Variants in LGMN observed in about 807,000 individuals in gnomAD.
LGMN encodes the protein legumain.
LGMN carries 36 observed loss-of-function variants against 56.8 expected under a neutral mutation model. That is an observed-to-expected ratio of 0.63 (90% CI 0.49 to 0.84). The LOEUF is 0.84. LGMN is among the 40% of genes least tolerant of loss of function. LGMN has a pLI of 0.00. For missense variants in LGMN, 446 were observed against 556.1 expected (o/e 0.80, Z 1.99); for synonymous variants, 199 against 210.1 (o/e 0.95, Z 0.46).
intron 2 of LGMN, among the ~76,000 whole-genome samples, chr14:92,723,233 G>T (rs1215768970): frequency 6.6e-6 from 1 of 152,030 alleles, no homozygotes; most frequent in East Asian, 1.9e-4. Context: ...TTTTAGTAGA[G>T]ATGGGGTTTC....
chr14:92,714,282 G>T lies in LGMN; in HGVS notation c.480+94C>A. The T allele has an allele frequency of 2.3e-6, 2 of 860,248 alleles. No homozygotes were observed. The highest frequency in any genetic ancestry group is 2.1e-5 in the Admixed American group (1 of 46,574). The allele number at this position is 860,248 out of a possible 1,614,324, so 53.3% of individuals were successfully genotyped here. A position where few individuals can be genotyped will look rare whatever the true frequency, so the allele number is the denominator to read the frequency against. On this transcript the variant is annotated intron_variant, in intron 6 of 13. Transcript: ENST00000334869. This position sits in a 1 kb window ranked among gnomAD's most constrained non-coding sequence, Gnocchi z 5.1. ...CACACGTACAAACCAACCCTGGCAG[G>T]ACACTAGAAAATACACGCTATGGGT... is the stretch of plus-strand genomic sequence containing the variant.
At chr14:92,719,260 G>GCCACCGCCGCCACCACCA (rs1890285146) in intron 2 of LGMN, among the ~76,000 whole-genome samples, 1 of 12,542 alleles carries the variant, frequency 8.0e-5, no homozygotes, top group Non-Finnish European at 1.6e-4. Context: ...CACCACCACC[G>GCCACCGCCGCCACCACCA]CCACCGCCGC....
chr14:92,707,255 A>G lies in LGMN; in HGVS notation c.1021-602T>C, dbSNP rs60418734. Reference sequence around the variant, plus strand: ...AAAATAAAAATCAAAAAACTAAAAAAAAAAAAAACCTTCACTCTACAAGCA... The same window carrying G: ...AAAATAAAAATCAAAAAACTAAAAAGAAAAAAAACCTTCACTCTACAAGCA... On this transcript the variant is annotated intron_variant, in intron 11 of 13. Coordinates refer to ENST00000334869, the MANE Select transcript of LGMN (RefSeq NM_005606.7). Among the ~76,000 whole-genome samples, 772 of 151,506 alleles carry G rather than the reference A, an allele frequency of 5.1e-3. 8 individuals carry two copies. The highest frequency in any genetic ancestry group is 0.018 in the African/African-American group (748 of 41,264).
intron 11 of LGMN, among the ~76,000 whole-genome samples, chr14:92,706,978 C>T (rs922140837): frequency 6.6e-6 from 1 of 152,156 alleles, no homozygotes; most frequent in Middle Eastern, 3.2e-3. Flanking sequence ...GCTGTGTCCA[C>T]GGGCACCTCT....
At position 92,732,817 on chromosome 14, in the gene LGMN, T is replaced by C; in HGVS notation, c.-29-2A>G. The C allele has an allele frequency of 6.2e-7, 1 of 1,607,696 alleles. No individual in the cohort carries two copies. Among genetic ancestry groups the C allele is most frequent in the Non-Finnish European group, 8.5e-7 (1 of 1,177,266 alleles). On this transcript the variant is annotated splice_acceptor_variant, in intron 1 of 13. Coordinates refer to ENST00000334869, the MANE Select transcript of LGMN (RefSeq NM_005606.7). LOFTEE classifies it low-confidence loss of function (5UTR_SPLICE). ...ACCTTGGAGTTCAATTGCAGACACCTGAGAAGGGAAACACAGAGTCAAGTA... is the reference window on the plus strand; with the variant it reads ...ACCTTGGAGTTCAATTGCAGACACCCGAGAAGGGAAACACAGAGTCAAGTA...
At chr14:92,718,689 C>T in intron 3 of LGMN, 58 bp downstream of exon 3, 1 of 1,160,664 alleles carries the variant, frequency 8.6e-7, no homozygotes, top group African/African-American at 1.5e-5. Flanking sequence ...GTCTATGTGA[C>T]CTTTTTTTAA....
At chr14:92,746,161 T>G (rs558104833) in intron 1 of LGMN, among the ~76,000 whole-genome samples, 74 of 152,308 alleles carry the variant, frequency 4.9e-4, no homozygotes, top group African/African-American at 1.7e-3. Flanking sequence ...CTCTTGATAG[T>G]GTCAAACTTT....
At position 92,728,849 on chromosome 14, in the gene LGMN, C is replaced by G. The variant is rs148277530; in HGVS notation, c.138+3800G>C. Reference sequence around the variant, plus strand: ...CCTTTCTGTGCCTTAGCCCCACCCCCACATCTTACAATGGAGATCTAATAG... The same window carrying G: ...CCTTTCTGTGCCTTAGCCCCACCCCGACATCTTACAATGGAGATCTAATAG... On this transcript the variant is annotated intron_variant, in intron 2 of 13. Transcript: ENST00000334869. Among the ~76,000 whole-genome samples, 510 of 152,242 alleles carry G rather than the reference C, an allele frequency of 3.3e-3. 1 individual carries two copies. Among genetic ancestry groups the G allele is most frequent in the African/African-American group, 0.012 (492 of 41,526 alleles).
chr14:92,715,922 G>A (rs1041638807), intron 5 of LGMN: 4 of 376,026 alleles, frequency 1.1e-5, no homozygotes, highest in African/African-American at 6.4e-5. Flanking sequence ...GAGGGGCCCT[G>A]GATCATAAGG....
rs977532684 is a variant in LGMN at position 92,744,097 on chromosome 14, T to A, written c.-30+4392A>T. Among the ~76,000 whole-genome samples the A allele has an allele frequency of 1.8e-4, 27 of 151,738 alleles. 1 individual carries two copies. Among genetic ancestry groups the A allele is most frequent in the Non-Finnish European group, 4.4e-5 (3 of 67,986 alleles). ...TGAACCCGGGAGGAAGAGGTTGCAG[T>A]GAGCCGAGATCGCGCCACTGCACTC... is the stretch of plus-strand genomic sequence containing the variant. On this transcript the variant is annotated intron_variant, in intron 1 of 13. Coordinates refer to ENST00000334869, the MANE Select transcript of LGMN (RefSeq NM_005606.7).
chr14:92,719,296 G>A (rs1432679497), intron 2 of LGMN, among the ~76,000 whole-genome samples: 4,169 of 25,184 alleles, frequency 0.17, 218 homozygotes, highest in East Asian at 0.36. Context: ...CGCCGCCGCC[G>A]CCGCCACCGC....
chr14:92,735,563 C>A (rs1282292910), intron 1 of LGMN, among the ~76,000 whole-genome samples: 3 of 152,094 alleles, frequency 2.0e-5, no homozygotes, highest in Non-Finnish European at 2.9e-5. Flanking sequence ...CCTCAGATTA[C>A]CTTTGATGTG....
Position 92,709,792 on chromosome 14 carries a change from T to C in LGMN, c.900A>G (p.Thr300=). 1 of 1,613,922 alleles carries C rather than the reference T, an allele frequency of 6.2e-7. No homozygotes were observed. The highest frequency in any genetic ancestry group is 8.5e-7 in the Non-Finnish European group (1 of 1,179,934). ...CAGGGCTGGGGGTGAGGTCAAGGTG[T>C]GTGACTGGAGGTAGGGGGACGGGAG... ...ASSPVPLPPV[T]HLDLTPSPDV... is the part of the protein sequence containing the mutation. Residue 300 remains threonine, a synonymous_variant, in exon 11 of 14, where the codon ACA becomes ACG. Transcript: ENST00000334869.
At chr14:92,728,422 G>C (rs753007402) in intron 2 of LGMN, among the ~76,000 whole-genome samples, 7 of 152,160 alleles carry the variant, frequency 4.6e-5, no homozygotes, top group Non-Finnish European at 1.0e-4. Flanking sequence ...CACCTGTACT[G>C]CACGTTACTG....
At chr14:92,718,876 C>A (rs755769636) in intron 2 of LGMN, 32 bp from the exon 3 acceptor site, 1 of 1,579,560 alleles carries the variant, frequency 6.3e-7, no homozygotes, top group Non-Finnish European at 8.7e-7. Flanking sequence ...AGTTTTAGAT[C>A]TTGCCTGGGA....
In LGMN at chr14:92,703,844, T is replaced by C. The variant is rs1184437004; in HGVS notation, c.*475A>G. 2.9e-6 allele frequency: 1 copy of C among 347,136 alleles called. No individual in the cohort carries two copies. Among genetic ancestry groups the C allele is most frequent in the Non-Finnish European group, 5.4e-6 (1 of 186,088 alleles). The allele number at this position is 347,136 out of a possible 1,614,324, so 21.5% of individuals were successfully genotyped here. A position where few individuals can be genotyped will look rare whatever the true frequency, so the allele number is the denominator to read the frequency against. On this transcript the variant is annotated 3_prime_UTR_variant, in exon 14 of 14. Coordinates refer to ENST00000334869, the MANE Select transcript of LGMN (RefSeq NM_005606.7). ...GTTATAAATCTTTATTTTTTAAGAC[T>C]TGAACACCTGCAGAATTAAATACAA...
intron 10 of LGMN, among the ~76,000 whole-genome samples, chr14:92,710,077 TG>T (rs1244241080): frequency 1.3e-5 from 2 of 152,160 alleles, no homozygotes; most frequent in Non-Finnish European, 2.9e-5. Flanking sequence ...CTGAAAGGCA[TG>T]GTCACCCCAG....
At chr14:92,720,273 G>C (rs1242118) in intron 2 of LGMN, among the ~76,000 whole-genome samples, 106,682 of 152,176 alleles carry the variant, frequency 0.7, 38,936 homozygotes, top group East Asian at 0.9. Flanking sequence ...AGCAACCCTT[G>C]ATGATAAAGG....
intron 12 of LGMN, among the ~76,000 whole-genome samples, chr14:92,705,208 A>C (rs4904977): frequency 0.51 from 77,098 of 152,078 alleles, 19,965 homozygotes; most frequent in Admixed American, 0.63. Context: ...AAAGGTCAAA[A>C]GACCAAGACT....
Sources: gnomAD v4.1 joint callset for allele counts (sites outside exome capture counted in the v4.1 genomes callset) on GRCh38, gnomAD v4.1.1 for gene constraint, Gnocchi (gnomAD v3.1) non-coding constraint, MANE v1.5 for transcripts, NCBI Gene and HGNC (gene_info 2026-07-23, HGNC 2026-07-21) for gene names.